STRADA: variants seen among roughly 807,000 people sequenced by gnomAD.
STRADA encodes the protein STE20 related adaptor alpha, also known as STE20-related kinase adapter protein alpha.
In STRADA, 26 loss-of-function variants were observed where a neutral mutation model predicts 55.0. That is an observed-to-expected ratio of 0.47 (90% CI 0.35 to 0.66). The LOEUF is 0.66. STRADA is among the 30% of genes least tolerant of loss of function. STRADA has a pLI of 0.01. For synonymous variants in STRADA, 197 were observed against 210.9 expected (o/e 0.93, Z 0.57); for missense variants, 443 against 549.7 (o/e 0.81, Z 1.94).
At chr17:63,738,014 AAAACGAAAAT>A (rs1048760450) in intron 1 of STRADA, among the ~76,000 whole-genome samples, 27 of 151,470 alleles carry the variant, frequency 1.8e-4, no homozygotes, top group African/African-American at 4.1e-4. Context: ...AGAGAAAAGA[AAAACGAAAAT>A]AAACGAAAAG....
intron 4 of STRADA, among the ~76,000 whole-genome samples, chr17:63,719,727 G>A (rs1044329894): frequency 6.6e-5 from 10 of 152,144 alleles, no homozygotes; most frequent in Non-Finnish European, 1.0e-4. Flanking sequence ...CAGGTGATGC[G>A]CGCACCTCGG....
At chr17:63,719,578 G>C (rs972813111) in intron 4 of STRADA, among the ~76,000 whole-genome samples, 3 of 151,800 alleles carry the variant, frequency 2.0e-5, no homozygotes, top group African/African-American at 7.3e-5. Context: ...CCACCTCCCA[G>C]GTTCAAGTGA....
At chr17:63,721,091 C>T (rs2037281143) in intron 4 of STRADA, among the ~76,000 whole-genome samples, 2 of 116,692 alleles carry the variant, frequency 1.7e-5, no homozygotes, top group Admixed American at 1.7e-4. Flanking sequence ...AGTGAAGCTC[C>T]GGCTGGGCGT....
chr17:63,722,947 C>A (rs150682639), intron 4 of STRADA, among the ~76,000 whole-genome samples: 37 of 151,960 alleles, frequency 2.4e-4, no homozygotes, highest in African/African-American at 8.7e-4. Context: ...AAACTAAGGA[C>A]GGAAAATTTA....
intron 2 of STRADA, 122 bp from the exon 3 acceptor site, chr17:63,726,817 G>T: frequency 3.3e-6 from 3 of 921,222 alleles, no homozygotes; most frequent in African/African-American, 1.7e-5. Flanking sequence ...GTACAGTTAG[G>T]AATCATTTCT....
chr17:63,704,949 C>T, intron 10 of STRADA: 2 of 1,519,632 alleles, frequency 1.3e-6, no homozygotes, highest in South Asian at 1.2e-5. Flanking sequence ...CTTTGAAGCC[C>T]AGCCGTCTGC....
At chr17:63,707,597 G>A in intron 8 of STRADA, 179 bp from the exon 9 acceptor site, 1 of 631,972 alleles carries the variant, frequency 1.6e-6, no homozygotes. Flanking sequence ...GTCTCACTCT[G>A]TCACCCGGCT....
intron 1 of STRADA, among the ~76,000 whole-genome samples, chr17:63,740,238 C>T (rs1828297689): frequency 6.6e-6 from 1 of 150,470 alleles, no homozygotes; most frequent in South Asian, 2.1e-4. Context: ...TGGCCGGGCG[C>T]GGTGGCTCAC....
intron 1 of STRADA, among the ~76,000 whole-genome samples, chr17:63,740,693 A>C (rs927296373): frequency 1.3e-5 from 2 of 152,186 alleles, no homozygotes; most frequent in Admixed American, 6.5e-5. Flanking sequence ...AAAGTCACAC[A>C]GATAAGTGGT....
At chr17:63,741,933 C>A (rs1197197508), upstream of STRADA, 1 of 152,268 alleles carries the variant, frequency 6.6e-6, no homozygotes, top group Non-Finnish European at 1.5e-5. Flanking sequence ...TCCGAGTGGC[C>A]GCGGCTGCGG....
intron 4 of STRADA, among the ~76,000 whole-genome samples, chr17:63,722,759 A>G (rs1393338309): frequency 6.6e-6 from 1 of 152,238 alleles, no homozygotes; most frequent in African/African-American, 2.4e-5. Flanking sequence ...AGTAAAATAA[A>G]CTAGAAGAGA....
In STRADA at chr17:63,703,213, T is replaced by C. The variant is rs1005884682; in HGVS notation, c.*386A>G. The C allele has an allele frequency of 5.5e-6, 1 of 182,436 alleles. No individual in the cohort carries two copies. Among genetic ancestry groups the C allele is most frequent in the Non-Finnish European group, 1.2e-5 (1 of 85,450 alleles). The allele number at this position is 182,436 out of a possible 1,614,324, so 11.3% of individuals were successfully genotyped here. On this transcript the variant is annotated 3_prime_UTR_variant, in exon 13 of 13. Coordinates refer to ENST00000336174, the MANE Select transcript of STRADA (RefSeq NM_001003787.4). ...TGAGGCATCTGAGAGCAAAGTTAAA[T>C]AGAATGAGGCTGGTCGCAAGCACTG...
At chr17:63,728,674 G>A (rs914460980) in intron 1 of STRADA, among the ~76,000 whole-genome samples, 3 of 150,550 alleles carry the variant, frequency 2.0e-5, no homozygotes, top group African/African-American at 2.4e-5. Context: ...CGAGGCGGGC[G>A]GATCACCTGA....
At chr17:63,724,505 G>A (rs1483547751) in intron 3 of STRADA, among the ~76,000 whole-genome samples, 1 of 151,180 alleles carries the variant, frequency 6.6e-6, no homozygotes, top group African/African-American at 2.4e-5. Context: ...GCAGTGGCAC[G>A]ATCTTGGCAA....
rs199849462 is a variant in STRADA at position 63,703,566 on chromosome 17, C to A, written c.*33G>T. The A allele has an allele frequency of 1.4e-5, 22 of 1,595,966 alleles. No individual in the cohort carries two copies. The Admixed American group carries it at 2.1e-4, about 15-fold the overall frequency. On this transcript the variant is annotated 3_prime_UTR_variant, in exon 13 of 13. Coordinates refer to ENST00000336174, the MANE Select transcript of STRADA (RefSeq NM_001003787.4). Reference sequence around the variant, plus strand: ...AGGGCCTCTGGGTGGCCTCTGCATCCCTGGCTGGAGAATGCGCACAGTTTG... The same window carrying A: ...AGGGCCTCTGGGTGGCCTCTGCATCACTGGCTGGAGAATGCGCACAGTTTG...
chr17:63,719,223 T>C (rs2037117989), intron 4 of STRADA: 1 of 152,216 alleles, frequency 6.6e-6, no homozygotes, highest in African/African-American at 2.4e-5. Flanking sequence ...TAGATTCCTG[T>C]GTTACTCAGA....
At position 63,703,760 on chromosome 17, in the gene STRADA, GAAGA is replaced by G; in HGVS notation, c.1144-13_1144-10del. On this transcript the variant is annotated splice_polypyrimidine_tract_variant and intron_variant, in intron 12 of 12. Coordinates refer to ENST00000336174, the MANE Select transcript of STRADA (RefSeq NM_001003787.4). ...GAGGCACGTCGCTTGATCTGGGGGA[GAAGA>G]GAGAGGTGGGTGACAGATCCTGTTG... is the stretch of plus-strand genomic sequence containing the variant. 1.9e-6 allele frequency: 3 copies of G among 1,613,614 alleles called. No individual in the cohort carries two copies. Among genetic ancestry groups the G allele is most frequent in the African/African-American group, 1.3e-5 (1 of 75,050 alleles).
intron 8 of STRADA, chr17:63,707,651 C>G: frequency 2.1e-6 from 1 of 482,382 alleles, no homozygotes; most frequent in Non-Finnish European, 3.7e-6. Flanking sequence ...CCTCTGCCTC[C>G]TGGGTTCAAG....
In STRADA at chr17:63,728,342, G is replaced by T. The variant is rs1387899682; in HGVS notation, c.28C>A (p.Arg10=). The T allele has an allele frequency of 6.2e-7, 1 of 1,612,992 alleles. No individual in the cohort carries two copies. The highest frequency in any genetic ancestry group is 8.5e-7 in the Non-Finnish European group (1 of 1,179,624). The part of the protein sequence containing the change: MSFLVSKPE[R]IRRWVSEKFI... ...AATAGAAAAACACTCACCCTGATTC[G>T]CTCTGGTTTACTTACAAGAAATGAC... Residue 10 remains arginine (R), a synonymous_variant, in exon 2 of 13, where the codon CGA becomes AGA. Transcript: ENST00000336174.
Sources: allele counts gnomAD v4.1 joint callset (sites outside exome capture counted in the v4.1 genomes callset), GRCh38; gene constraint gnomAD v4.1.1; transcripts MANE v1.5; gene names NCBI Gene and HGNC (gene_info 2026-07-23, HGNC 2026-07-21).